CCDC88C: variants seen among roughly 807,000 people sequenced by gnomAD.
CCDC88C encodes the protein coiled-coil and HOOK domain protein 88C.
CCDC88C carries 131 observed loss-of-function variants against 198.8 expected under a neutral mutation model. The observed-to-expected ratio is 0.66, with a 90% CI of 0.57 to 0.76. CCDC88C has a LOEUF of 0.76. Among genes scored for constraint, CCDC88C ranks in the 30% least tolerant of loss-of-function variants. The pLI, the probability that CCDC88C is intolerant of heterozygous loss-of-function variation, is 0.00. For synonymous variants in CCDC88C, 1,166 were observed against 1,114.7 expected, an observed-to-expected ratio of 1.05 and a Z score of -0.92; for missense variants, 2,553 against 2,631.6, an observed-to-expected ratio of 0.97 and a Z score of 0.65.
chr14:91,417,010 C>G (rs1188718396), intron 1 of CCDC88C, 172 bp from the exon 2 acceptor site: 4 of 687,482 alleles, frequency 5.8e-6, no homozygotes, highest in African/African-American at 3.5e-5. Context: ...GGGCCTGTCT[C>G]CCCTCCCCGC....
At chr14:91,389,681 A>G (rs1885365013) in intron 3 of CCDC88C, among the ~76,000 whole-genome samples, 1 of 149,158 alleles carries the variant, frequency 6.7e-6, no homozygotes, top group Admixed American at 6.7e-5. Context: ...GGAGTTCCAG[A>G]CTAGCCTGGG....
intron 24 of CCDC88C, 44 bp downstream of exon 24, chr14:91,290,946 GGAAGC>G: frequency 2.5e-6 from 3 of 1,177,760 alleles, no homozygotes; most frequent in Non-Finnish European, 3.7e-6. Flanking sequence ...GCACAGAAAA[GGAAGC>G]TTTTAAGTTC....
chr14:91,289,022 C>A, intron 25 of CCDC88C, 83 bp downstream of exon 25: 1 of 1,145,544 alleles, frequency 8.7e-7, no homozygotes, highest in Non-Finnish European at 1.3e-6. Context: ...CACGTTCCTG[C>A]ACACGTGTGC....
chr14:91,394,432 AAC>A, intron 3 of CCDC88C, among the ~76,000 whole-genome samples: 1 of 152,282 alleles, frequency 6.6e-6, no homozygotes, highest in South Asian at 2.1e-4. Flanking sequence ...CTAATTATTC[AAC>A]AGTCTAGAAA....
rs533715687 is a variant in CCDC88C, at chr14:91,272,484, GAACA to G, written c.*137_*140del. On this transcript the variant is annotated 3_prime_UTR_variant, in exon 30 of 30. Coordinates refer to ENST00000389857, the MANE Select transcript of CCDC88C (RefSeq NM_001080414.4). The stretch of plus-strand genomic sequence containing the variant: ...GCTTGGCACAGTGTTTCCATTCACA[GAACA>G]AACAGCAGAAATGCGTGGGAACCCC... 1.6e-4 allele frequency: 139 copies of G among 855,582 alleles called. No individual in the cohort carries two copies. The African/African-American group carries it at 2.2e-3, about 13-fold the overall frequency. 53.0% of individuals were successfully genotyped at this position (855,582 alleles called of 1,614,324 possible).
At chr14:91,311,272 C>G (rs1164678697) in intron 15 of CCDC88C, among the ~76,000 whole-genome samples, 1 of 152,248 alleles carries the variant, frequency 6.6e-6, no homozygotes, top group Non-Finnish European at 1.5e-5. Context: ...AGCCGGGGCT[C>G]TGCCTGCATT....
In CCDC88C at chr14:91,298,819, G is replaced by A. The variant is rs1028706745; in HGVS notation, c.3779+1108C>T. Among the ~76,000 whole-genome samples the A allele has an allele frequency of 3.9e-5, 6 of 152,300 alleles. 1 individual carries two copies. In the South Asian group the frequency reaches 6.2e-4, roughly 16 times the overall value. ...TCTAACCCCCCGTATACACGAACTC[G>A]AGTATGTGGGAGGAGGAAGAATTTC... is the stretch of plus-strand genomic sequence containing the variant. On this transcript the variant is annotated intron_variant, in intron 21 of 29. Coordinates refer to ENST00000389857, the MANE Select transcript of CCDC88C (RefSeq NM_001080414.4).
In CCDC88C at chr14:91,297,454, C is replaced by T. The variant is rs767989799; in HGVS notation, c.3817G>A (p.Glu1273Lys). Residue 1273 changes from glutamate (E) to lysine (K), a missense_variant, in exon 22 of 30, where the codon GAG (glutamate) becomes AAG (lysine). Around this residue, in one of 2 missense-constraint regions of CCDC88C, gnomAD observed 1,293 missense variants for 1,219.6 expected, o/e 1.06. Transcript: ENST00000389857. ...FLHHQLKGEY[E>K]ELHAHTKELK... ...TCCTTGGTGTGGGCGTGCAGCTCCT[C>T]GTACTCCCCCTTCAGCTGGTGGTGC... The T allele has an allele frequency of 7.0e-6, 11 of 1,577,518 alleles. No individual in the cohort carries two copies. The Admixed American group carries it at 7.4e-5, about 11-fold the overall frequency.
Position 91,313,788 on chromosome 14 carries a change from C to T in CCDC88C, c.2028G>A (p.Arg676=). ...HESQGLQLEN[R]TLRKSLDTLQ... is the part of the protein sequence containing the mutation. ...AGGTGTCCAGAGACTTCCTCAGAGT[C>T]CGGTTCTCCAGCTGCAGGCCCTGGC... The change falls in exon 15 of 30, where the codon CGG becomes CGA. Residue 676 remains arginine, a synonymous_variant. Transcript: ENST00000389857. The surrounding 1 kb of genome is among the most constrained non-coding windows in gnomAD (Gnocchi z 5.2). The T allele has an allele frequency of 1.2e-6, 2 of 1,606,712 alleles. No homozygotes were observed. The highest frequency in any genetic ancestry group is 8.5e-7 in the Non-Finnish European group (1 of 1,179,178).
intron 20 of CCDC88C, among the ~76,000 whole-genome samples, chr14:91,300,595 A>G (rs910558236): frequency 1.3e-5 from 2 of 152,180 alleles, no homozygotes; most frequent in South Asian, 2.1e-4. Context: ...CCCAGGGGAC[A>G]GAGGCTCACC....
intron 3 of CCDC88C, among the ~76,000 whole-genome samples, chr14:91,404,403 C>T (rs1886370409): frequency 6.6e-6 from 1 of 152,194 alleles, no homozygotes; most frequent in African/African-American, 2.4e-5. Context: ...GGAGATTCAG[C>T]TCAACGTGAC....
At chr14:91,309,393 C>T (rs948647019) in intron 16 of CCDC88C, among the ~76,000 whole-genome samples, 1 of 152,088 alleles carries the variant, frequency 6.6e-6, no homozygotes, top group Non-Finnish European at 1.5e-5. Flanking sequence ...GCTTTGAGCT[C>T]AGGAGTTCAA....
chr14:91,325,784 G>T lies in CCDC88C; in HGVS notation c.1197+126C>A. On this transcript the variant is annotated intron_variant, in intron 11 of 29. Transcript: ENST00000389857. The surrounding 1 kb of genome is among the most constrained non-coding windows in gnomAD (Gnocchi z 4.1). ...AGATGGGGCCTCGCTAGGTTGCCAG[G>T]GTTAGAACTCCTGCGCTCAAGGGAT... 2.2e-6 allele frequency: 2 copies of T among 912,982 alleles called. No individual in the cohort carries two copies. Among genetic ancestry groups the T allele is most frequent in the Non-Finnish European group, 3.3e-6 (2 of 615,222 alleles). 56.6% of individuals were successfully genotyped at this position (912,982 alleles called of 1,614,324 possible). A position where few individuals can be genotyped will look rare whatever the true frequency, so the allele number is the denominator to read the frequency against.
intron 6 of CCDC88C, among the ~76,000 whole-genome samples, chr14:91,340,995 T>C (rs1440649257): frequency 6.6e-6 from 1 of 151,188 alleles, no homozygotes; most frequent in Admixed American, 6.6e-5. Flanking sequence ...AGGCTGTCTC[T>C]AAAAAAAAGA....
chr14:91,356,960 G>A (rs575006944), intron 4 of CCDC88C, among the ~76,000 whole-genome samples: 168 of 152,260 alleles, frequency 1.1e-3, no homozygotes, highest in African/African-American at 4.0e-3. Flanking sequence ...GAAAAGGCGG[G>A]GAGAAGGATG....
At chr14:91,389,376 A>G (rs1885345639) in intron 3 of CCDC88C, among the ~76,000 whole-genome samples, 1 of 152,188 alleles carries the variant, frequency 6.6e-6, no homozygotes, top group East Asian at 1.9e-4. Flanking sequence ...ATGTGATTCC[A>G]AGTTCAAAGT....
At chr14:91,277,775 A>T in intron 29 of CCDC88C, 147 bp downstream of exon 29, 2 of 846,674 alleles carry the variant, frequency 2.4e-6, no homozygotes, top group Non-Finnish European at 3.3e-6. Flanking sequence ...CTTGTCAGCT[A>T]GTGCTCTAGT....
At chr14:91,306,043 G>T (rs1891542726) in intron 18 of CCDC88C, 117 bp from the exon 19 acceptor site, 1 of 992,024 alleles carries the variant, frequency 1.0e-6, no homozygotes, top group Non-Finnish European at 1.5e-6. Flanking sequence ...CCAAATCGAG[G>T]GTCCGCTGGA....
chr14:91,416,515 A>G (rs542887655), intron 2 of CCDC88C, among the ~76,000 whole-genome samples: 2 of 152,306 alleles, frequency 1.3e-5, no homozygotes, highest in South Asian at 4.1e-4. Context: ...ATTCAATTCC[A>G]AATTTCCTTC....
Sources: allele counts gnomAD v4.1 joint callset (sites outside exome capture counted in the v4.1 genomes callset), GRCh38; gene constraint gnomAD v4.1.1; regional missense constraint gnomAD v4.1.1; non-coding constraint Gnocchi (gnomAD v3.1); transcripts MANE v1.5; gene names NCBI Gene and HGNC (gene_info 2026-07-23, HGNC 2026-07-21).